Variants in IFT140 observed in about 807,000 individuals in gnomAD.
The protein encoded by IFT140 is intraflagellar transport protein 140 homolog.
IFT140 carries 133 observed loss-of-function variants against 164.6 expected under a neutral mutation model. The ratio of observed to expected loss-of-function variants is 0.81; its 90% CI spans 0.70 to 0.93. The LOEUF is 0.93. Among genes scored for constraint, IFT140 ranks in the 40% least tolerant of loss-of-function variants. IFT140 has a pLI of 0.00. For synonymous variants in IFT140, 860 were observed against 817.3 expected, an observed-to-expected ratio of 1.05 and a Z score of -0.89; for missense variants, 2,045 against 1,972.3, an observed-to-expected ratio of 1.04 and a Z score of -0.70.
intron 19 of IFT140, among the ~76,000 whole-genome samples, chr16:1,530,231 C>T (rs1394677791): frequency 2.0e-5 from 3 of 150,226 alleles, no homozygotes; most frequent in African/African-American, 4.9e-5. Flanking sequence ...CTCTGCCTCC[C>T]GAGTGATTCT....
rs146666187 is a variant in IFT140, at chr16:1,518,340, G to A, written c.4058C>T (p.Pro1353Leu). The stretch of plus-strand genomic sequence containing the variant: ...CTCACACTGCTTGATGGACTCCTTG[G>A]GGTCCTCTGTGTACGTCCTGCCGAG... Reference protein sequence around the residue: ...IQARRTYTEDPKESIKQCELL... With the variant: ...IQARRTYTEDLKESIKQCELL... Residue 1353 changes from proline (P) to leucine (L), a missense_variant, in exon 30 of 31, where the codon CCC (proline) becomes CTC (leucine). Transcript: ENST00000426508. 1.2e-6 allele frequency: 2 copies of A among 1,613,968 alleles called. No individual in the cohort carries two copies. The highest frequency in any genetic ancestry group is 1.7e-6 in the Non-Finnish European group (2 of 1,179,992).
In IFT140 at chr16:1,526,028, T is replaced by C. The variant is rs775517181; in HGVS notation, c.2627A>G (p.Asn876Ser). 2 of 1,602,062 alleles carry C rather than the reference T, an allele frequency of 1.2e-6. No individual in the cohort carries two copies. Among genetic ancestry groups the C allele is most frequent in the Non-Finnish European group, 1.7e-6 (2 of 1,174,732 alleles). Residue 876 changes from asparagine to serine, a missense_variant, in exon 21 of 31, where the codon AAC (asparagine) becomes AGC (serine). Coordinates refer to ENST00000426508, the MANE Select transcript of IFT140 (RefSeq NM_014714.4). ...YRKCKRHDLL[N>S]KFYQAAGRWQ... The stretch of plus-strand genomic sequence containing the variant: ...CCGGCCCGCAGCCTGGTAGAACTTG[T>C]TCAGGAGGTCGTGGCGCTTGCACTT...
rs201381885 is a variant in IFT140 at position 1,602,387 on chromosome 16, G to A, written c.352C>T (p.Leu118=). The A allele has an allele frequency of 3.7e-5, 59 of 1,614,054 alleles. No individual in the cohort carries two copies. Among genetic ancestry groups the A allele is most frequent in the Non-Finnish European group, 4.7e-5 (55 of 1,180,006 alleles). The change falls in exon 4 of 31, where the codon CTG becomes TTG. Residue 118 remains leucine (L), a synonymous_variant. Transcript: ENST00000426508. ...TGACTCACCCTGTCCCCAGACAGCAGGCAGTTTCCACTGGGGCTCCAACGG... is the reference window on the plus strand; with the variant it reads ...TGACTCACCCTGTCCCCAGACAGCAAGCAGTTTCCACTGGGGCTCCAACGG... ...VLRWSPSGNC[L]LSGDRLGVLL... is the part of the protein sequence containing the mutation.
chr16:1,606,297 G>A (rs1396231631), intron 3 of IFT140, among the ~76,000 whole-genome samples: 1 of 152,222 alleles, frequency 6.6e-6, no homozygotes, highest in Non-Finnish European at 1.5e-5. Context: ...GACATTTCTG[G>A]TGATGACTGT....
intron 19 of IFT140, among the ~76,000 whole-genome samples, chr16:1,549,213 GACAA>G (rs1435429299): frequency 1.3e-5 from 2 of 152,230 alleles, no homozygotes; most frequent in African/African-American, 2.4e-5. Flanking sequence ...CAGAACCAAA[GACAA>G]ACAAAAGCCG....
At chr16:1,592,393 G>T (rs1431825527) in intron 5 of IFT140, 74 bp downstream of exon 5, 5 of 1,610,868 alleles carry the variant, frequency 3.1e-6, no homozygotes, top group Non-Finnish European at 4.2e-6. Context: ...CCCCTCCTGG[G>T]TCAGGAGCAG....
chr16:1,597,213 C>A (rs972471777), intron 4 of IFT140, among the ~76,000 whole-genome samples: 1 of 152,166 alleles, frequency 6.6e-6, no homozygotes, highest in Non-Finnish European at 1.5e-5. Flanking sequence ...CCCCAGAAGG[C>A]GTGAGTGGCC....
chr16:1,607,369 G>A lies in IFT140; in HGVS notation c.-31-72C>T, dbSNP rs532808123. 20 of 1,328,714 alleles carry A rather than the reference G, an allele frequency of 1.5e-5. No individual in the cohort carries two copies. In the East Asian group the frequency reaches 4.0e-4, roughly 27 times the overall value. The allele number at this position is 1,328,714 out of a possible 1,614,324, so 82.3% of individuals were successfully genotyped here. On this transcript the variant is annotated intron_variant, in intron 2 of 30. Transcript: ENST00000426508. ...CAAACAATATGACTGTACATGGAATGACGAAAAGGAAGCATCCCAAAGCCA... is the reference window on the plus strand; with the variant it reads ...CAAACAATATGACTGTACATGGAATAACGAAAAGGAAGCATCCCAAAGCCA...
intron 1 of IFT140, among the ~76,000 whole-genome samples, chr16:1,611,413 G>C (rs956172076): frequency 6.7e-6 from 1 of 150,358 alleles, no homozygotes; most frequent in Non-Finnish European, 1.5e-5. Flanking sequence ...GAGGAGAATC[G>C]CCTGAGCCCC....
chr16:1,606,086 C>T (rs1011733782), intron 3 of IFT140, among the ~76,000 whole-genome samples: 2 of 152,236 alleles, frequency 1.3e-5, no homozygotes, highest in African/African-American at 2.4e-5. Flanking sequence ...GGGGCAGACA[C>T]TCCCCTCAGC....
chr16:1,558,054 T>A lies in IFT140; in HGVS notation c.2280A>T (p.Arg760=). The change falls in exon 19 of 31, where the codon CGA becomes CGT. Residue 760 remains arginine (R), a synonymous_variant. Coordinates refer to ENST00000426508, the MANE Select transcript of IFT140 (RefSeq NM_014714.4). ...IPQMVSRRPL[R]DFVGLEDCDK... ...CGCAGTCCTCCAGCCCCACAAAGTC[T>A]CGCAGGGGTCTCCTGGACACCATCT... 6.2e-7 allele frequency: 1 copy of A among 1,614,062 alleles called. No homozygotes were observed. The highest frequency in any genetic ancestry group is 8.5e-7 in the Non-Finnish European group (1 of 1,180,030).
In IFT140 at chr16:1,564,399, G is replaced by T. The variant is rs138799097; in HGVS notation, c.1902-237C>A. ...GCCCAGTTTGAAAGAACCACAAAAA[G>T]ATGACGCTTTGATTCTGGAGGCCTT... is the stretch of plus-strand genomic sequence containing the variant. On this transcript the variant is annotated intron_variant, in intron 16 of 30. Coordinates refer to ENST00000426508, the MANE Select transcript of IFT140 (RefSeq NM_014714.4). The surrounding 1 kb of genome is among the most constrained non-coding windows in gnomAD (Gnocchi z 5.5). Among the ~76,000 whole-genome samples, 1 of 152,328 alleles carries T rather than the reference G, an allele frequency of 6.6e-6. No individual in the cohort carries two copies. The highest frequency in any genetic ancestry group is 1.5e-5 in the Non-Finnish European group (1 of 68,026).
At chr16:1,523,001 G>A (rs542070609) in intron 26 of IFT140, among the ~76,000 whole-genome samples, 27 of 152,026 alleles carry the variant, frequency 1.8e-4, no homozygotes, top group Admixed American at 7.2e-4. Flanking sequence ...CAGGAGGATT[G>A]CTTGAGCCCA....
At chr16:1,525,763 C>A in intron 21 of IFT140, 124 bp downstream of exon 21, 1 of 1,032,788 alleles carries the variant, frequency 9.7e-7, no homozygotes, top group Non-Finnish European at 1.4e-6. Context: ...AAGGCTGCCA[C>A]CACCCTGAGA....
At chr16:1,584,506 A>T (rs1416481655) in intron 10 of IFT140, 86 bp from the exon 11 acceptor site, 2 of 1,039,084 alleles carry the variant, frequency 1.9e-6, no homozygotes, top group Non-Finnish European at 2.8e-6. Flanking sequence ...TACACACACG[A>T]GAACTCAGAA....
rs774573860 is a variant in IFT140, at chr16:1,511,031, G to A, written c.4302C>T (p.Thr1434=). 51 of 1,604,426 alleles carry A rather than the reference G, an allele frequency of 3.2e-5. No homozygotes were observed. Among genetic ancestry groups the A allele is most frequent in the East Asian group, 1.1e-4 (5 of 44,654 alleles). The change falls in exon 31 of 31, where the codon ACC becomes ACT. Residue 1434 remains threonine, a synonymous_variant. Transcript: ENST00000426508. ...TGTTGTGGCGGACCTGCTCGGGGAC[G>A]GTGCGTGGCAGTGGGAGACCCAGCC... ...HRGLGLPLPR[T]VPEQVRHNSM...
intron 10 of IFT140, 69 bp from the exon 11 acceptor site, chr16:1,584,489 G>T: frequency 8.0e-7 from 1 of 1,251,220 alleles, no homozygotes; most frequent in Non-Finnish European, 1.1e-6. Context: ...GCGGTCAGGA[G>T]AATACTTACA....
At position 1,510,839 on chromosome 16, in the gene IFT140, A is replaced by T; in HGVS notation, c.*105T>A. 9.4e-7 allele frequency: 1 copy of T among 1,063,544 alleles called. No individual in the cohort carries two copies. The highest frequency in any genetic ancestry group is 1.4e-6 in the Non-Finnish European group (1 of 712,830). 65.9% of individuals were successfully genotyped at this position (1,063,544 alleles called of 1,614,324 possible). ...CCAGCTCTGTCGCGTATTCCAACAC[A>T]GACATGTTTTTTCCCAGCAAAAATG... On this transcript the variant is annotated 3_prime_UTR_variant, in exon 31 of 31. Transcript: ENST00000426508.
chr16:1,526,643 C>T lies in IFT140; in HGVS notation c.2553G>A (p.Val851=), dbSNP rs1184726567. The change falls in exon 20 of 31, where the codon GTG becomes GTA. Residue 851 remains valine, a synonymous_variant. Coordinates refer to ENST00000426508, the MANE Select transcript of IFT140 (RefSeq NM_014714.4). ...CCAGCATGCCCAGCTGCGTGGCCAG[C>T]ACGGCCACGCGGGCCTCTAGCTCCG... ...QEPELEARVA[V]LATQLGMLED... 1.9e-6 allele frequency: 3 copies of T among 1,574,538 alleles called. No homozygotes were observed. Among genetic ancestry groups the T allele is most frequent in the East Asian group, 2.3e-5 (1 of 42,958 alleles).
Sources: gnomAD v4.1 joint callset for allele counts (sites outside exome capture counted in the v4.1 genomes callset) on GRCh38, gnomAD v4.1.1 for gene constraint, Gnocchi (gnomAD v3.1) non-coding constraint, MANE v1.5 for transcripts, NCBI Gene and HGNC (gene_info 2026-07-23, HGNC 2026-07-21) for gene names.